PREX2: variants seen among roughly 807,000 people sequenced by gnomAD.
PREX2 encodes phosphatidylinositol 3,4,5-trisphosphate-dependent Rac exchanger 2 protein.
A neutral mutation model predicts 203.2 loss-of-function variants in PREX2; 107 were observed. The ratio of observed to expected loss-of-function variants is 0.53; its 90% confidence interval spans 0.45 to 0.62. The LOEUF (loss-of-function observed/expected upper bound fraction) is 0.62, where lower values mean the gene tolerates loss of function less well. Ranked by LOEUF, PREX2 falls within the 20% of genes least tolerant of loss-of-function variation. PREX2 has a pLI of 0.00. For synonymous variants in PREX2, 672 were observed against 663.6 expected (o/e 1.01, Z -0.19); for missense variants, 1,777 against 1,955.9 (o/e 0.91, Z 1.72).
At chr8:68,024,732 T>A (rs192767399) in intron 4 of PREX2, among the ~76,000 whole-genome samples, 2 of 152,164 alleles carry the variant, frequency 1.3e-5, no homozygotes, top group Admixed American at 1.3e-4. Context: ...TTTTACCACC[T>A]ACTTTTGTGT....
intron 1 of PREX2, among the ~76,000 whole-genome samples, chr8:67,957,955 G>A (rs1308360717): frequency 2.0e-5 from 3 of 152,198 alleles, no homozygotes; most frequent in Non-Finnish European, 4.4e-5. Context: ...AAGAAGAGGA[G>A]ATTTGGACAC....
chr8:68,192,841 C>T (rs1234428931), intron 37 of PREX2, among the ~76,000 whole-genome samples: 1 of 152,164 alleles, frequency 6.6e-6, no homozygotes, highest in Admixed American at 6.5e-5. Context: ...TAGGAGCTGA[C>T]TCAACTAGCT....
At position 67,978,690 on chromosome 8, in the gene PREX2, C is replaced by T. The variant is rs184231394; in HGVS notation, c.141+26155C>T. 2.1e-3 allele frequency among the ~76,000 whole-genome samples: 313 copies of T among 152,154 alleles called. 4 individuals are homozygous for T. The highest frequency in any genetic ancestry group is 0.016 in the Admixed American group (240 of 15,290). The stretch of plus-strand genomic sequence containing the variant: ...TAAATGTCTTTGGTAAATGTATGCA[C>T]ACTTTTCTCTTGGGTGGTTTTTCAA... On this transcript the variant is annotated intron_variant, in intron 1 of 39. Coordinates refer to ENST00000288368, the MANE Select transcript of PREX2 (RefSeq NM_024870.4).
chr8:68,227,479 G>C (rs763258217), intron 39 of PREX2, among the ~76,000 whole-genome samples: 3 of 152,156 alleles, frequency 2.0e-5, no homozygotes, highest in Non-Finnish European at 4.4e-5. Flanking sequence ...TCCCTGGAGA[G>C]GACATTGTGG....
chr8:68,146,744 C>T (rs757305041), intron 34 of PREX2, among the ~76,000 whole-genome samples: 12 of 152,230 alleles, frequency 7.9e-5, no homozygotes, highest in Admixed American at 4.6e-4. Context: ...AATTATATCA[C>T]ACATGTATGT....
intron 10 of PREX2, among the ~76,000 whole-genome samples, chr8:68,057,263 T>A (rs1808709660): frequency 1.3e-5 from 2 of 152,260 alleles, no homozygotes; most frequent in South Asian, 4.2e-4. Context: ...GATTGTAAGT[T>A]TCCTGGAGCT....
intron 1 of PREX2, among the ~76,000 whole-genome samples, chr8:67,993,792 T>C (rs961165624): frequency 9.9e-5 from 15 of 152,172 alleles, no homozygotes; most frequent in African/African-American, 3.6e-4. Context: ...CACATATACA[T>C]ATTAAATGTC....
chr8:67,991,617 C>G (rs1806611553), intron 1 of PREX2, among the ~76,000 whole-genome samples: 1 of 152,088 alleles, frequency 6.6e-6, no homozygotes, highest in South Asian at 2.1e-4. Context: ...ATGGGGGAAA[C>G]CACCCCCATG....
chr8:68,072,099 AAG>A (rs1191584766), intron 13 of PREX2, among the ~76,000 whole-genome samples: 5 of 152,198 alleles, frequency 3.3e-5, no homozygotes, highest in African/African-American at 1.2e-4. Flanking sequence ...TGACATAAAT[AAG>A]AGTTAAGTTC....
intron 25 of PREX2, among the ~76,000 whole-genome samples, chr8:68,112,312 C>A (rs552559282): frequency 9.2e-5 from 14 of 152,270 alleles, no homozygotes; most frequent in African/African-American, 2.9e-4. Context: ...AATTAATGTC[C>A]AAAACCTTTG....
intron 8 of PREX2, among the ~76,000 whole-genome samples, chr8:68,050,062 GTA>G (rs528671209): frequency 2.0e-4 from 30 of 151,288 alleles, no homozygotes; most frequent in African/African-American, 2.9e-4. Flanking sequence ...ATGTATGTGT[GTA>G]TATATATATA....
chr8:68,217,273 T>C (rs566185520), intron 37 of PREX2, among the ~76,000 whole-genome samples: 2 of 152,340 alleles, frequency 1.3e-5, no homozygotes, highest in South Asian at 2.1e-4. Flanking sequence ...ATGATAAATA[T>C]TCTTTAGTCA....
intron 1 of PREX2, among the ~76,000 whole-genome samples, chr8:68,009,173 G>A (rs539865950): frequency 7.4e-4 from 112 of 152,262 alleles, no homozygotes; most frequent in African/African-American, 2.5e-3. Context: ...CACTAAATAC[G>A]TTTCCTTCTA....
intron 31 of PREX2, among the ~76,000 whole-genome samples, chr8:68,131,389 A>G (rs1373751785): frequency 6.6e-6 from 1 of 152,188 alleles, no homozygotes. Flanking sequence ...GGAAGGTGGC[A>G]ACAGAAAATT....
At chr8:68,067,360 T>A (rs1198852411) in intron 11 of PREX2, among the ~76,000 whole-genome samples, 1 of 152,120 alleles carries the variant, frequency 6.6e-6, no homozygotes, top group Non-Finnish European at 1.5e-5. Context: ...GAACATGGGA[T>A]TTCTTACCAT....
At chr8:68,058,811 C>G (rs181228619) in intron 10 of PREX2, among the ~76,000 whole-genome samples, 1 of 152,282 alleles carries the variant, frequency 6.6e-6, no homozygotes, top group East Asian at 1.9e-4. Flanking sequence ...AACTCATGGT[C>G]ATGCACGTAG....
chr8:68,038,234 C>G lies in PREX2; in HGVS notation c.781C>G (p.Gln261Glu), dbSNP rs1164719450. Residue 261 changes from glutamine to glutamate, a missense_variant, in exon 7 of 40, where the codon CAA becomes GAA. Physicochemically the swap from Gln to Glu is conservative, Grantham distance 29. Transcript: ENST00000288368. ...VLLKISSGNIQERVFFLFDNL... is the reference protein window; with the variant it reads ...VLLKISSGNIEERVFFLFDNL... ...ACTGAAAATTTCTTCTGGAAATATT[C>G]AAGAACGGGTGTTTTTTCTTTTCGA... 6.2e-7 allele frequency: 1 copy of G among 1,613,828 alleles called. No individual in the cohort carries two copies. Among genetic ancestry groups the G allele is most frequent in the South Asian group, 1.1e-5 (1 of 91,068 alleles).
intron 1 of PREX2, among the ~76,000 whole-genome samples, chr8:67,997,915 T>C (rs2129609652): frequency 6.6e-6 from 1 of 152,290 alleles, no homozygotes; most frequent in Non-Finnish European, 1.5e-5. Flanking sequence ...GATGCTATTA[T>C]AAATGATAAT....
intron 1 of PREX2, among the ~76,000 whole-genome samples, chr8:68,003,810 A>G (rs987354984): frequency 7.4e-5 from 11 of 149,048 alleles, no homozygotes; most frequent in African/African-American, 2.5e-4. Flanking sequence ...TGGTTCCTAT[A>G]TCAGCCTCCA....
Sources: gnomAD v4.1 joint callset for allele counts (sites outside exome capture counted in the v4.1 genomes callset) on GRCh38, gnomAD v4.1.1 for gene constraint, MANE v1.5 for transcripts, NCBI Gene and HGNC (gene_info 2026-07-23, HGNC 2026-07-21) for gene names.